Variants in CFTR observed in about 807,000 individuals in gnomAD.
CFTR encodes the protein CF transmembrane conductance regulator.
In CFTR, 181 loss-of-function variants were observed where a neutral mutation model predicts 171.6. The observed-to-expected ratio is 1.05, with a 90% CI of 0.93 to 1.19. CFTR has a LOEUF of 1.19. CFTR is among the 50% of genes most tolerant of loss of function. The pLI is 0.00. For synonymous variants in CFTR, 583 were observed against 608.0 expected (o/e 0.96, Z 0.60); for missense variants, 1,968 against 1,734.7 (o/e 1.13, Z -2.39).
At chr7:117,495,450 C>T (rs1798222485) in intron 1 of CFTR, among the ~76,000 whole-genome samples, 1 of 152,006 alleles carries the variant, frequency 6.6e-6, no homozygotes, top group African/African-American at 2.4e-5. Context: ...CTTTGAAATC[C>T]AAGTCATGTG....
At position 117,590,442 on chromosome 7, in the gene CFTR, A is replaced by G. The variant is rs397508298; in HGVS notation, c.1766+3A>G. The stretch of plus-strand genomic sequence containing the variant: ...ACAGAAAAAGAAATATTTGAAAGGT[A>G]TGTTCTTTGAATACCTTACTTATAA... On this transcript the variant is annotated splice_donor_region_variant and intron_variant, in intron 13 of 26. Coordinates refer to ENST00000003084, the MANE Select transcript of CFTR (RefSeq NM_000492.4). 4 of 1,599,432 alleles carry G rather than the reference A, an allele frequency of 2.5e-6. No individual in the cohort carries two copies. Among genetic ancestry groups the G allele is most frequent in the South Asian group, 1.1e-5 (1 of 90,804 alleles).
intron 3 of CFTR, among the ~76,000 whole-genome samples, chr7:117,517,265 T>C (rs1040156696): frequency 3.9e-5 from 6 of 151,986 alleles, no homozygotes; most frequent in Non-Finnish European, 8.8e-5. Flanking sequence ...TGTCCATGTG[T>C]TCTCATTGTT....
chr7:117,498,894 G>A (rs1380807716), intron 1 of CFTR, among the ~76,000 whole-genome samples: 1 of 150,822 alleles, frequency 6.6e-6, no homozygotes, highest in Non-Finnish European at 1.5e-5. Context: ...TGGATGATCA[G>A]AAATTTTCTA....
chr7:117,616,569 G>C (rs977428122), intron 21 of CFTR, among the ~76,000 whole-genome samples: 2 of 152,044 alleles, frequency 1.3e-5, no homozygotes, highest in East Asian at 3.9e-4. Flanking sequence ...CAAAACCTCT[G>C]TTTGGTGCAT....
chr7:117,487,478 T>G (rs1464699834), intron 1 of CFTR, among the ~76,000 whole-genome samples: 1 of 152,144 alleles, frequency 6.6e-6, no homozygotes, highest in African/African-American at 2.4e-5. Flanking sequence ...TGAGAGATCA[T>G]AGAAATTCAA....
intron 24 of CFTR, among the ~76,000 whole-genome samples, chr7:117,662,562 C>G (rs1390743564): frequency 6.6e-6 from 1 of 152,166 alleles, no homozygotes; most frequent in East Asian, 1.9e-4. Flanking sequence ...TTGGATGCCT[C>G]ATACACCAGG....
chr7:117,501,733 G>T (rs1318776896), intron 1 of CFTR, among the ~76,000 whole-genome samples: 1 of 77,362 alleles, frequency 1.3e-5, no homozygotes, highest in Admixed American at 1.9e-4. Context: ...GGCAACAAGA[G>T]TGAAACTCTG....
At chr7:117,636,164 C>G (rs576773892) in intron 22 of CFTR, among the ~76,000 whole-genome samples, 173 of 152,262 alleles carry the variant, frequency 1.1e-3, no homozygotes, top group African/African-American at 4.0e-3. Context: ...ATTTCTTCCC[C>G]TCAAACCCTT....
chr7:117,654,374 G>A (rs990125864), intron 24 of CFTR, among the ~76,000 whole-genome samples: 2 of 152,200 alleles, frequency 1.3e-5, no homozygotes, highest in Non-Finnish European at 2.9e-5. Flanking sequence ...GTGCATGAGT[G>A]CTGGGGTCTG....
intron 23 of CFTR, among the ~76,000 whole-genome samples, chr7:117,646,458 G>A (rs1002654635): frequency 8.5e-5 from 13 of 152,134 alleles, no homozygotes; most frequent in African/African-American, 3.1e-4. Context: ...GCCAGACAGG[G>A]AGATTATGGA....
chr7:117,555,572 C>A (rs1013274403), intron 10 of CFTR, among the ~76,000 whole-genome samples: 2 of 152,126 alleles, frequency 1.3e-5, no homozygotes, highest in African/African-American at 4.8e-5. Context: ...ATGCCATAAA[C>A]CTTGAATAAC....
At chr7:117,605,424 C>G (rs1234823209) in intron 17 of CFTR, among the ~76,000 whole-genome samples, 1 of 151,838 alleles carries the variant, frequency 6.6e-6, no homozygotes, top group African/African-American at 2.4e-5. Flanking sequence ...ATGGGTGATA[C>G]AAAATAAATG....
rs543050782 is a variant in CFTR at position 117,531,859 on chromosome 7, A to G, written c.489+745A>G. On this transcript the variant is annotated intron_variant, in intron 4 of 26. Transcript: ENST00000003084. Reference sequence around the variant, plus strand: ...TCATTATAAAAAGCTGTTTTGATGGACTTATTTGGATATTGCTTTACCCTT... The same window carrying G: ...TCATTATAAAAAGCTGTTTTGATGGGCTTATTTGGATATTGCTTTACCCTT... 9.9e-5 allele frequency among the ~76,000 whole-genome samples: 15 copies of G among 152,238 alleles called. No homozygotes were observed. The East Asian group carries it at 1.2e-3, about 12-fold the overall frequency.
chr7:117,583,275 C>A (rs1791876354), intron 11 of CFTR, among the ~76,000 whole-genome samples: 1 of 152,002 alleles, frequency 6.6e-6, no homozygotes, highest in Non-Finnish European at 1.5e-5. Flanking sequence ...ATACCCATCA[C>A]CTGAGCAGTG....
At chr7:117,618,478 TCACA>T (rs34610095) in intron 21 of CFTR, among the ~76,000 whole-genome samples, 38 of 148,302 alleles carry the variant, frequency 2.6e-4, no homozygotes, top group Non-Finnish European at 4.3e-4. Context: ...AGACTCCGTC[TCACA>T]CACACACACA....
At chr7:117,487,559 A>G (rs1798093849) in intron 1 of CFTR, among the ~76,000 whole-genome samples, 1 of 152,134 alleles carries the variant, frequency 6.6e-6, no homozygotes, top group Non-Finnish European at 1.5e-5. Context: ...GAGCTCACCT[A>G]CTATGATGAG....
At chr7:117,665,680 T>C in intron 26 of CFTR, 116 bp downstream of exon 26, 1 of 743,420 alleles carries the variant, frequency 1.3e-6, no homozygotes. Flanking sequence ...CAAAAATATG[T>C]ATCATACAGC....
chr7:117,488,040 A>C (rs1193462151), intron 1 of CFTR: 5 of 152,136 alleles, frequency 3.3e-5, no homozygotes, highest in Non-Finnish European at 4.4e-5. Context: ...CTAGAAATTA[A>C]AACAACAATA....
At chr7:117,635,218 C>T (rs1284966730) in intron 22 of CFTR, among the ~76,000 whole-genome samples, 7 of 152,210 alleles carry the variant, frequency 4.6e-5, no homozygotes, top group South Asian at 2.1e-4. Context: ...ATTATTTCCT[C>T]GCCCTGATGT....
Sources: allele counts gnomAD v4.1 joint callset (sites outside exome capture counted in the v4.1 genomes callset), GRCh38; gene constraint gnomAD v4.1.1; transcripts MANE v1.5; gene names NCBI Gene and HGNC (gene_info 2026-07-23, HGNC 2026-07-21).